The following KCND2 variants were observed in gnomAD, a reference collection of about 807,000 sequenced individuals.
KCND2 encodes the protein A-type voltage-gated potassium channel KCND2.
In KCND2, 16 loss-of-function variants were observed where a neutral mutation model predicts 54.4. The observed-to-expected ratio is 0.29, with a 90% CI of 0.20 to 0.45. The LOEUF (loss-of-function observed/expected upper bound fraction) is 0.45, where lower values mean the gene tolerates loss of function less well. Among genes scored for constraint, KCND2 ranks in the 20% least tolerant of loss-of-function variants. The pLI is 1.00. For synonymous variants in KCND2, 317 were observed against 310.7 expected (o/e 1.02, Z -0.21); for missense variants, 486 against 824.2 (o/e 0.59, Z 5.02).
intron 1 of KCND2, among the ~76,000 whole-genome samples, chr7:120,447,233 A>T (rs1295057157): frequency 1.3e-5 from 2 of 152,022 alleles, no homozygotes; most frequent in African/African-American, 4.8e-5. Context: ...CCTTTGTGAG[A>T]TCCCATCTGT....
chr7:120,608,292 T>G (rs953458114), intron 1 of KCND2, among the ~76,000 whole-genome samples: 3 of 152,102 alleles, frequency 2.0e-5, no homozygotes. Context: ...GATTTACTTG[T>G]TTTTCAGAGG....
At chr7:120,289,325 A>G (rs989135524) in intron 1 of KCND2, among the ~76,000 whole-genome samples, 1 of 152,030 alleles carries the variant, frequency 6.6e-6, no homozygotes, top group Non-Finnish European at 1.5e-5. Flanking sequence ...TAAGCTAAAT[A>G]TGCAATAAAA....
At chr7:120,466,925 A>G (rs1046405394) in intron 1 of KCND2, among the ~76,000 whole-genome samples, 2 of 152,106 alleles carry the variant, frequency 1.3e-5, no homozygotes, top group African/African-American at 4.8e-5. Context: ...TCTCCAGAGC[A>G]TGTCATTTCA....
intron 1 of KCND2, among the ~76,000 whole-genome samples, chr7:120,630,311 T>G (rs1416156313): frequency 6.6e-6 from 1 of 152,168 alleles, no homozygotes; most frequent in Admixed American, 6.5e-5. Context: ...GAAAGAAATG[T>G]GAGGCAGAAT....
chr7:120,496,990 G>A (rs6970412), intron 1 of KCND2, among the ~76,000 whole-genome samples: 9,237 of 152,178 alleles, frequency 0.061, 582 homozygotes, highest in African/African-American at 0.17. Context: ...TAATGATTAT[G>A]ATAATGGCAT....
chr7:120,391,500 C>T (rs886688478), intron 1 of KCND2, among the ~76,000 whole-genome samples: 2 of 152,108 alleles, frequency 1.3e-5, no homozygotes, highest in Non-Finnish European at 2.9e-5. Context: ...ACACTGTCTT[C>T]CACAATGGTT....
At chr7:120,640,810 T>TG (rs1562895935) in intron 1 of KCND2, among the ~76,000 whole-genome samples, 1 of 152,290 alleles carries the variant, frequency 6.6e-6, no homozygotes. Flanking sequence ...CCACTGTATC[T>TG]GGGGGGCCTT....
At chr7:120,460,337 G>A (rs1584788171) in intron 1 of KCND2, among the ~76,000 whole-genome samples, 2 of 152,226 alleles carry the variant, frequency 1.3e-5, no homozygotes, top group Middle Eastern at 3.4e-3. Flanking sequence ...GGCAAAAATA[G>A]GAAATGTGCC....
chr7:120,517,091 A>G (rs957239105), intron 1 of KCND2, among the ~76,000 whole-genome samples: 2 of 152,136 alleles, frequency 1.3e-5, no homozygotes, highest in African/African-American at 4.8e-5. Flanking sequence ...TTGATTATTC[A>G]TTTTACAAAT....
chr7:120,440,646 A>C (rs1801934055), intron 1 of KCND2, among the ~76,000 whole-genome samples: 1 of 151,936 alleles, frequency 6.6e-6, no homozygotes, highest in Non-Finnish European at 1.5e-5. Context: ...TCTTTAATCC[A>C]TTTTGAGTTG....
intron 4 of KCND2, among the ~76,000 whole-genome samples, chr7:120,745,544 A>G (rs1395529219): frequency 1.3e-5 from 2 of 152,086 alleles, no homozygotes; most frequent in Non-Finnish European, 2.9e-5. Context: ...TAGTCTATAA[A>G]GGGACACTAA....
intron 1 of KCND2, among the ~76,000 whole-genome samples, chr7:120,647,920 A>T (rs914862804): frequency 1.3e-5 from 2 of 152,214 alleles, no homozygotes. Flanking sequence ...ATAGATATAG[A>T]TATTTATCTT....
intron 1 of KCND2, among the ~76,000 whole-genome samples, chr7:120,296,458 A>G (rs1799515382): frequency 6.6e-6 from 1 of 152,138 alleles, no homozygotes; most frequent in Non-Finnish European, 1.5e-5. Flanking sequence ...CTCCTGAGAA[A>G]GACTTAGTTC....
intron 1 of KCND2, among the ~76,000 whole-genome samples, chr7:120,651,604 A>G (rs558856209): frequency 6.6e-6 from 1 of 152,168 alleles, no homozygotes; most frequent in South Asian, 2.1e-4. Flanking sequence ...CTCACGCTCG[A>G]TGGGCTGCAC....
At chr7:120,553,349 A>G (rs1318145417) in intron 1 of KCND2, among the ~76,000 whole-genome samples, 1 of 152,226 alleles carries the variant, frequency 6.6e-6, no homozygotes, top group Non-Finnish European at 1.5e-5. Flanking sequence ...TATTAAGGCT[A>G]AATGACATTC....
intron 1 of KCND2, among the ~76,000 whole-genome samples, chr7:120,486,137 A>G (rs10233829): frequency 0.28 from 43,279 of 152,052 alleles, 9,181 homozygotes; most frequent in African/African-American, 0.58. Flanking sequence ...GGGATTTTTG[A>G]TGTAAGTGAA....
At chr7:120,352,400 A>T (rs529462719) in intron 1 of KCND2, among the ~76,000 whole-genome samples, 3 of 151,726 alleles carry the variant, frequency 2.0e-5, no homozygotes, top group Non-Finnish European at 2.9e-5. Context: ...ACATACATAT[A>T]TATGAATACA....
intron 1 of KCND2, among the ~76,000 whole-genome samples, chr7:120,473,734 A>C (rs1802494034): frequency 6.6e-6 from 1 of 152,194 alleles, no homozygotes; most frequent in Admixed American, 6.5e-5. Context: ...TTTTTTAAAA[A>C]AATGAAAATA....
At chr7:120,689,594 A>C (rs1034102412) in intron 1 of KCND2, among the ~76,000 whole-genome samples, 1 of 152,174 alleles carries the variant, frequency 6.6e-6, no homozygotes, top group Admixed American at 6.6e-5. Flanking sequence ...TGGATCAATA[A>C]TCTGGTTTAG....
Sources: gnomAD v4.1 joint callset for allele counts (sites outside exome capture counted in the v4.1 genomes callset) on GRCh38, gnomAD v4.1.1 for gene constraint, MANE v1.5 for transcripts, NCBI Gene and HGNC (gene_info 2026-07-23, HGNC 2026-07-21) for gene names.